Variants in PHF6 observed in about 807,000 individuals in gnomAD.
PHF6 encodes the protein PHD finger protein 6.
In PHF6, 7 loss-of-function variants were observed where a neutral mutation model predicts 34.0. That is an observed-to-expected ratio of 0.21 (90% CI 0.12 to 0.39). The LOEUF (loss-of-function observed/expected upper bound fraction) is 0.39, where lower values mean the gene tolerates loss of function less well. Ranked by LOEUF, PHF6 falls within the 10% of genes least tolerant of loss-of-function variation. The pLI is 1.00. For synonymous variants in PHF6, 89 were observed against 88.4 expected (o/e 1.01, Z -0.04); for missense variants, 128 against 262.8 (o/e 0.49, Z 3.55).
chrX:134,378,201 G>A (rs779940573), intron 3 of PHF6, 95 bp downstream of exon 3: 6 of 478,613 alleles, frequency 1.3e-5, no homozygotes, highest in Admixed American at 3.9e-5. Flanking sequence ...TATTAACTGA[G>A]TATAATTTTA....
intron 5 of PHF6, among the ~76,000 whole-genome samples, chrX:134,406,293 C>T (rs758692554): frequency 2.7e-5 from 3 of 110,720 alleles, no homozygotes; most frequent in Non-Finnish European, 5.7e-5. Flanking sequence ...TTTCTTAAAG[C>T]AGCCTTGTAA....
At chrX:134,400,278 G>A (rs1344276691) in intron 5 of PHF6, among the ~76,000 whole-genome samples, 1 of 109,234 alleles carries the variant, frequency 9.2e-6, no homozygotes, top group Non-Finnish European at 1.9e-5. Flanking sequence ...TAGAAACGGG[G>A]TCTTGCCACA....
At chrX:134,420,072 AG>A (rs1313983325) in intron 9 of PHF6, 1 of 111,081 alleles carries the variant, frequency 9.0e-6, no homozygotes, top group East Asian at 2.8e-4. Context: ...CCAGCTATAC[AG>A]GAGGCCCAGA....
chrX:134,374,637 C>T (rs2077270901), intron 1 of PHF6, among the ~76,000 whole-genome samples: 1 of 112,293 alleles, frequency 8.9e-6, no homozygotes, highest in South Asian at 3.6e-4. Context: ...TTTTCAGATA[C>T]CAGGCATTGA....
rs187549108 is a variant in PHF6 at position 134,425,429 on chromosome X, T to C, written c.*99T>C. ...TATGCAGTAAGATTTTTTTTAATCC[T>C]ATTATGTTTAGTTAAGAGCATGTTA... On this transcript the variant is annotated intron_variant, in intron 10 of 10. Coordinates refer to ENST00000370803, the MANE Select transcript of PHF6 (RefSeq NM_001015877.2). 992 of 1,014,454 alleles carry C rather than the reference T, an allele frequency of 9.8e-4. 4 individuals carry two copies. In the African/African-American group the frequency reaches 0.017, roughly 17 times the overall value. 83.6% of individuals were successfully genotyped at this position (1,014,454 alleles called of 1,213,427 possible).
intron 9 of PHF6, among the ~76,000 whole-genome samples, chrX:134,424,128 A>C (rs2077500732): frequency 9.0e-6 from 1 of 111,248 alleles, no homozygotes; most frequent in African/African-American, 3.3e-5. Context: ...AAAAGAAAAA[A>C]AAAACTGAGC....
At position 134,377,640 on chromosome X, in the gene PHF6, A is replaced by G; in HGVS notation, c.23A>G (p.Lys8Arg). The G allele has an allele frequency of 8.3e-7, 1 of 1,211,189 alleles. No individual in the cohort carries two copies. The highest frequency in any genetic ancestry group is 1.1e-6 in the Non-Finnish European group (1 of 895,122). The part of the protein sequence containing the change: MSSSVEQ[K>R]KGPTRQRKCG... Reference sequence around the variant, plus strand: ...ATCATGTCAAGCTCAGTTGAACAGAAAAAAGGGCCTACAAGACAGCGCAAA... The same window carrying G: ...ATCATGTCAAGCTCAGTTGAACAGAGAAAAGGGCCTACAAGACAGCGCAAA... Residue 8 changes from lysine (K) to arginine (R), a missense_variant, in exon 2 of 11, where the codon AAA becomes AGA. Physicochemically the swap from Lys to Arg is conservative, Grantham distance 26. Coordinates refer to ENST00000370803, the MANE Select transcript of PHF6 (RefSeq NM_001015877.2).
chrX:134,391,756 C>T (rs927543205), intron 3 of PHF6, among the ~76,000 whole-genome samples: 34 of 111,319 alleles, frequency 3.1e-4, no homozygotes, highest in African/African-American at 1.0e-3. Flanking sequence ...AGCATTGTAA[C>T]ACTGTGAGGC....
At chrX:134,402,776 T>C (rs969045264) in intron 5 of PHF6, among the ~76,000 whole-genome samples, 3 of 112,469 alleles carry the variant, frequency 2.7e-5, no homozygotes, top group Non-Finnish European at 1.9e-5. Context: ...CGACAGGATA[T>C]GCTCACTTTG....
rs1472498470 is a variant in PHF6, at chrX:134,413,815, A to G, written c.586-8A>G. ...TTTTTAAGTTCGTTTTTTCTTTTACATTTGCAGAGAGATAGGTCTCCACAC... is the reference window on the plus strand; with the variant it reads ...TTTTTAAGTTCGTTTTTTCTTTTACGTTTGCAGAGAGATAGGTCTCCACAC... On this transcript the variant is annotated splice_region_variant and splice_polypyrimidine_tract_variant and intron_variant, in intron 6 of 10. Transcript: ENST00000370803. The G allele has an allele frequency of 2.5e-6, 3 of 1,209,043 alleles. No individual in the cohort carries two copies. The highest frequency in any genetic ancestry group is 2.2e-5 in the Admixed American group (1 of 45,534).
At chrX:134,381,820 C>T (rs1323383836) in intron 3 of PHF6, among the ~76,000 whole-genome samples, 2 of 111,170 alleles carry the variant, frequency 1.8e-5, no homozygotes, top group Admixed American at 1.9e-4. Flanking sequence ...CATTTTATCC[C>T]GTGAGCCTGT....
chrX:134,379,829 CTA>C (rs2077298603), intron 3 of PHF6, among the ~76,000 whole-genome samples: 1 of 111,900 alleles, frequency 8.9e-6, no homozygotes, highest in African/African-American at 3.3e-5. Flanking sequence ...AACCATAGCA[CTA>C]TGTTTTTATT....
At chrX:134,403,944 A>G (rs2077412642) in intron 5 of PHF6, among the ~76,000 whole-genome samples, 1 of 112,182 alleles carries the variant, frequency 8.9e-6, no homozygotes, top group African/African-American at 3.2e-5. Flanking sequence ...TTGACAATGC[A>G]TCTGGTCACC....
Position 134,387,413 on chromosome X carries a change from T to C in PHF6, c.241-6088T>C, listed in dbSNP as rs577800629. On this transcript the variant is annotated intron_variant, in intron 3 of 10. Transcript: ENST00000370803. ...TATAAACAAAATGTATTCTTGGTGT[T>C]GGGGGCTGTCTTGGTACTTATTTGA... Among the ~76,000 whole-genome samples the C allele has an allele frequency of 2.7e-4, 30 of 111,501 alleles. No homozygotes were observed. The South Asian group carries it at 0.011, about 39-fold the overall frequency.
In PHF6 at chrX:134,413,609, C is replaced by A. The variant is rs776473521; in HGVS notation, c.537C>A (p.Thr179=). 1 of 1,211,019 alleles carries A rather than the reference C, an allele frequency of 8.3e-7. No individual in the cohort carries two copies. The change falls in exon 6 of 11, where the codon ACC becomes ACA. Residue 179 remains threonine (T), a synonymous_variant. Coordinates refer to ENST00000370803, the MANE Select transcript of PHF6 (RefSeq NM_001015877.2). ...KTNFKGLSED[T]RSTSSHGTDE... ...ATTTTAAAGGGCTGTCAGAAGATAC[C>A]AGGTCCACATCCTCCCATGGAACAG... is the stretch of plus-strand genomic sequence containing the variant.
chrX:134,402,516 G>A (rs1166036342), intron 5 of PHF6, among the ~76,000 whole-genome samples: 5 of 111,530 alleles, frequency 4.5e-5, no homozygotes, highest in African/African-American at 1.3e-4. Context: ...TTATTTGATC[G>A]CTCTCAGAGG....
At chrX:134,378,968 TTA>T (rs1419578406) in intron 3 of PHF6, among the ~76,000 whole-genome samples, 1 of 112,327 alleles carries the variant, frequency 8.9e-6, no homozygotes, top group Non-Finnish European at 1.9e-5. Context: ...GAACACTTTA[TTA>T]AAATTACATC....
chrX:134,417,407 G>T, intron 9 of PHF6, 105 bp downstream of exon 9: 1 of 863,449 alleles, frequency 1.2e-6, no homozygotes, highest in Non-Finnish European at 1.7e-6. Flanking sequence ...GTTTAGTTAA[G>T]TATAGAATAC....
chrX:134,400,973 CAAG>C (rs929674604), intron 5 of PHF6, among the ~76,000 whole-genome samples: 4 of 111,832 alleles, frequency 3.6e-5, no homozygotes, highest in Non-Finnish European at 7.5e-5. Flanking sequence ...GAACAAGAAA[CAAG>C]AAAGCATCAG....
Sources: allele counts gnomAD v4.1 joint callset (sites outside exome capture counted in the v4.1 genomes callset), GRCh38; gene constraint gnomAD v4.1.1; transcripts MANE v1.5; gene names NCBI Gene and HGNC (gene_info 2026-07-23, HGNC 2026-07-21).